Variants in OPCML observed in about 807,000 individuals in gnomAD.
The protein encoded by OPCML is opioid binding protein/cell adhesion molecule like.
OPCML carries 13 observed loss-of-function variants against 37.8 expected under a neutral mutation model. The ratio of observed to expected loss-of-function variants is 0.34; its 90% CI spans 0.22 to 0.55. The LOEUF is 0.55. Among genes scored for constraint, OPCML ranks in the 20% least tolerant of loss-of-function variants. The pLI is 0.91. For missense variants in OPCML, 341 were observed against 435.6 expected (o/e 0.78, Z 1.93); for synonymous variants, 176 against 168.8 (o/e 1.04, Z -0.33).
intron 1 of OPCML, among the ~76,000 whole-genome samples, chr11:133,351,300 T>C (rs1592224729): frequency 2.0e-5 from 3 of 152,276 alleles, no homozygotes; most frequent in Middle Eastern, 6.8e-3. Context: ...GTCACTACAA[T>C]TGAGCTTTCA....
At chr11:133,357,620 A>G (rs1944317493) in intron 1 of OPCML, among the ~76,000 whole-genome samples, 1 of 152,108 alleles carries the variant, frequency 6.6e-6, no homozygotes, top group African/African-American at 2.4e-5. Context: ...ATGTCCAGTG[A>G]GGGCCCATAA....
chr11:132,425,077 G>A (rs1157743366), intron 7 of OPCML, among the ~76,000 whole-genome samples: 1 of 152,102 alleles, frequency 6.6e-6, no homozygotes, highest in African/African-American at 2.4e-5. Flanking sequence ...CAATGGAGAC[G>A]GGCCCCAAGC....
At chr11:132,589,713 CAGG>C (rs912126473) in intron 3 of OPCML, among the ~76,000 whole-genome samples, 23 of 152,120 alleles carry the variant, frequency 1.5e-4, no homozygotes, top group African/African-American at 4.6e-4. Flanking sequence ...AAGCTTAACC[CAGG>C]AGGAGAGAAT....
chr11:133,346,508 C>T (rs1458955215), intron 1 of OPCML, among the ~76,000 whole-genome samples: 1 of 152,126 alleles, frequency 6.6e-6, no homozygotes, highest in Admixed American at 6.5e-5. Flanking sequence ...TGAAATGTAC[C>T]CTACTGAATA....
At chr11:133,444,726 A>T (rs1946435937) in intron 1 of OPCML, among the ~76,000 whole-genome samples, 1 of 152,186 alleles carries the variant, frequency 6.6e-6, no homozygotes, top group South Asian at 2.1e-4. Flanking sequence ...GCCTAATAAC[A>T]TTTCATCATG....
At chr11:132,542,745 C>G (rs1181155412) in intron 3 of OPCML, among the ~76,000 whole-genome samples, 6 of 152,194 alleles carry the variant, frequency 3.9e-5, no homozygotes, top group Admixed American at 3.3e-4. Flanking sequence ...ACTGAGCTGG[C>G]TGCCCCTTGG....
At chr11:132,581,036 C>T (rs993708102) in intron 3 of OPCML, among the ~76,000 whole-genome samples, 1 of 152,084 alleles carries the variant, frequency 6.6e-6, no homozygotes. Flanking sequence ...TAGATGACTA[C>T]ACATCTGGAG....
At chr11:132,664,909 G>T (rs1224303657) in intron 2 of OPCML, among the ~76,000 whole-genome samples, 1 of 152,192 alleles carries the variant, frequency 6.6e-6, no homozygotes, top group African/African-American at 2.4e-5. Flanking sequence ...AATGGTGAGG[G>T]ATAAGAGCTA....
chr11:132,814,993 T>C (rs574854894), intron 2 of OPCML, among the ~76,000 whole-genome samples: 5 of 152,046 alleles, frequency 3.3e-5, no homozygotes, highest in Non-Finnish European at 7.4e-5. Flanking sequence ...CACCGTGAGG[T>C]CTTTATTGTG....
intron 4 of OPCML, among the ~76,000 whole-genome samples, chr11:132,489,686 A>ATT (rs1474110981): frequency 6.6e-6 from 1 of 150,946 alleles, no homozygotes; most frequent in African/African-American, 2.5e-5. Flanking sequence ...TTATTATTTT[A>ATT]TTATACTTTA....
chr11:133,421,854 C>T (rs1945893496), intron 1 of OPCML: 1 of 766,704 alleles, frequency 1.3e-6, no homozygotes, highest in Non-Finnish European at 1.6e-6. Context: ...ACTGTAACCT[C>T]TCGGAATTCC....
intron 1 of OPCML, chr11:133,004,753 G>A: frequency 2.0e-6 from 2 of 985,148 alleles, no homozygotes; most frequent in Non-Finnish European, 2.4e-6. Flanking sequence ...ACGCGTGGAT[G>A]GACGCTGGCT....
intron 1 of OPCML, among the ~76,000 whole-genome samples, chr11:133,017,568 T>C (rs990036574): frequency 2.6e-5 from 4 of 152,096 alleles, no homozygotes; most frequent in Admixed American, 6.5e-5. Flanking sequence ...TTTGTATTTT[T>C]AGTAGAGACA....
intron 4 of OPCML, among the ~76,000 whole-genome samples, chr11:132,487,865 A>G (rs1285663590): frequency 1.3e-5 from 2 of 152,182 alleles, no homozygotes; most frequent in African/African-American, 4.8e-5. Context: ...TCTAATATGC[A>G]TTTTAGTTTT....
chr11:132,979,611 T>G (rs1946541170), intron 1 of OPCML, among the ~76,000 whole-genome samples: 1 of 152,268 alleles, frequency 6.6e-6, no homozygotes, highest in Admixed American at 6.5e-5. Flanking sequence ...TGTTGCCATC[T>G]AGCATACTGG....
Position 132,947,201 on chromosome 11 carries a change from A to G in OPCML, c.62-4191T>C, listed in dbSNP as rs113452184. Among the ~76,000 whole-genome samples the G allele has an allele frequency of 7.3e-3, 1,106 of 152,348 alleles. 18 individuals are homozygous for G. Among genetic ancestry groups the G allele is most frequent in the African/African-American group, 0.026 (1,064 of 41,584 alleles). On this transcript the variant is annotated intron_variant, in intron 1 of 7. Coordinates refer to ENST00000524381, the MANE Select transcript of OPCML (RefSeq NM_001012393.5). Reference sequence around the variant, plus strand: ...GAGACAGGAAGAGTTATTAAGGAAAAAGAGAAAGGCTAGGACAGCATGAGG... The same window carrying G: ...GAGACAGGAAGAGTTATTAAGGAAAGAGAGAAAGGCTAGGACAGCATGAGG...
chr11:132,488,790 T>C (rs1004259667), intron 4 of OPCML, among the ~76,000 whole-genome samples: 2 of 152,378 alleles, frequency 1.3e-5, no homozygotes, highest in East Asian at 1.9e-4. Flanking sequence ...ATGGTTTTCA[T>C]TGGGTAGATC....
intron 1 of OPCML, among the ~76,000 whole-genome samples, chr11:133,013,567 A>G (rs1344064214): frequency 1.3e-5 from 2 of 152,256 alleles, no homozygotes; most frequent in Admixed American, 1.3e-4. Flanking sequence ...ATAAAAATTA[A>G]GCATTAGAAA....
intron 1 of OPCML, among the ~76,000 whole-genome samples, chr11:133,233,022 TG>T (rs1940344574): frequency 6.6e-6 from 1 of 152,160 alleles, no homozygotes; most frequent in Admixed American, 6.5e-5. Flanking sequence ...TGGACTTTTT[TG>T]GGGGGTGGGT....
Sources: gnomAD v4.1 joint callset for allele counts (sites outside exome capture counted in the v4.1 genomes callset) on GRCh38, gnomAD v4.1.1 for gene constraint, MANE v1.5 for transcripts, NCBI Gene and HGNC (gene_info 2026-07-23, HGNC 2026-07-21) for gene names.